URB2: variants seen among roughly 807,000 people sequenced by gnomAD.
URB2 encodes URB2 ribosome biogenesis homolog, also known as unhealthy ribosome biogenesis protein 2 homolog.
A neutral mutation model predicts 120.9 loss-of-function variants in URB2; 86 were observed. That is an observed-to-expected ratio of 0.71 (90% CI 0.60 to 0.85). The LOEUF is 0.85. Ranked by LOEUF, URB2 falls within the 40% of genes least tolerant of loss-of-function variation. The probability of loss-of-function intolerance (pLI) is 0.00; values close to 1 mark genes in which losing one functional copy is unlikely to be tolerated. For missense variants in URB2, 1,765 were observed against 1,836.5 expected, an observed-to-expected ratio of 0.96 and a Z score of 0.71; for synonymous variants, 755 against 758.4, an observed-to-expected ratio of 1.00 and a Z score of 0.07.
At chr1:229,646,814 C>G (rs550788698) in intron 6 of URB2, among the ~76,000 whole-genome samples, 3 of 152,314 alleles carry the variant, frequency 2.0e-5, no homozygotes, top group African/African-American at 7.2e-5. Context: ...GGAGCAGTAT[C>G]TATTTTACCA....
chr1:229,638,202 T>C lies in URB2; in HGVS notation c.3589T>C (p.Ser1197Pro), dbSNP rs765548256. ...LAPELHPKKD[S>P]VFTSMFHSVR... is the part of the protein sequence containing the mutation. ...CCCAGAACTGCATCCCAAAAAGGAC[T>C]CCGTGTTTACCTCCATGTTTCATTC... is the stretch of plus-strand genomic sequence containing the variant. The change falls in exon 4 of 10, where the codon TCC becomes CCC. Residue 1197 changes from serine to proline, a missense_variant. By Grantham distance (74) the Ser-to-Pro change is moderately conservative. Coordinates refer to ENST00000258243, the MANE Select transcript of URB2 (RefSeq NM_014777.4). 1 of 1,613,010 alleles carries C rather than the reference T, an allele frequency of 6.2e-7. No homozygotes were observed. The highest frequency in any genetic ancestry group is 8.5e-7 in the Non-Finnish European group (1 of 1,179,520).
intron 4 of URB2, among the ~76,000 whole-genome samples, chr1:229,643,285 C>T (rs1351066291): frequency 3.9e-5 from 6 of 152,260 alleles, no homozygotes; most frequent in African/African-American, 9.6e-5. Flanking sequence ...AGGTTTACCT[C>T]CTAAGCATGG....
chr1:229,636,049 G>A lies in URB2; in HGVS notation c.1436G>A (p.Arg479His), dbSNP rs752766281. The A allele has an allele frequency of 1.1e-5, 17 of 1,614,034 alleles. No homozygotes were observed. The East Asian group carries it at 1.8e-4, about 17-fold the overall frequency. ...LFEEVLGVIC[R>H]PAAEALRQPV... ...GAAGAGGTTTTGGGGGTGATCTGTC[G>A]TCCAGCTGCTGAGGCACTGAGGCAG... Residue 479 changes from arginine to histidine, a missense_variant, in exon 4 of 10, where the codon CGT becomes CAT. Arg to His is a conservative substitution (Grantham distance 29). Transcript: ENST00000258243.
chr1:229,640,964 T>C (rs1244445578), intron 4 of URB2, among the ~76,000 whole-genome samples: 2 of 151,838 alleles, frequency 1.3e-5, no homozygotes, highest in African/African-American at 4.8e-5. Flanking sequence ...AAGAGAATAT[T>C]GTGTCCTCCT....
At chr1:229,632,238 T>C (rs1665686338) in intron 2 of URB2, 31 bp from the exon 3 acceptor site, 2 of 1,490,192 alleles carry the variant, frequency 1.3e-6, no homozygotes, top group South Asian at 3.0e-5. Flanking sequence ...CAAATAAATT[T>C]ATTTTCAGTG....
chr1:229,636,502 T>C lies in URB2; in HGVS notation c.1889T>C (p.Met630Thr). The change falls in exon 4 of 10, where the codon ATG becomes ACG. Residue 630 changes from methionine (M) to threonine (T), a missense_variant. Met to Thr is a moderately conservative substitution (Grantham distance 81, BLOSUM62 -1). Transcript: ENST00000258243. ...TTGAACTGTAGCCAGTATCACTCTA[T>C]GTCTGGGCCCCTTATAGGTGTTGCT... ...FSLNCSQYHS[M>T]SGPLIGVALE... 6.2e-7 allele frequency: 1 copy of C among 1,614,228 alleles called. No individual in the cohort carries two copies. Among genetic ancestry groups the C allele is most frequent in the South Asian group, 1.1e-5 (1 of 91,074 alleles).
chr1:229,649,784 C>G (rs1666225792), intron 7 of URB2, among the ~76,000 whole-genome samples: 1 of 152,208 alleles, frequency 6.6e-6, no homozygotes, highest in African/African-American at 2.4e-5. Flanking sequence ...AAGCACTTTA[C>G]ATGGCTTAGC....
chr1:229,645,287 A>G (rs989675344), intron 5 of URB2, among the ~76,000 whole-genome samples: 1 of 78,190 alleles, frequency 1.3e-5, no homozygotes, highest in African/African-American at 6.6e-5. Flanking sequence ...CTCGGTCTCG[A>G]AAAAAAAAAA....
At chr1:229,654,168 C>T in intron 8 of URB2, 81 bp from the exon 9 acceptor site, 1 of 1,562,298 alleles carries the variant, frequency 6.4e-7, no homozygotes, top group Non-Finnish European at 8.7e-7. Context: ...TAATTTTCAC[C>T]CATATTAAAA....
intron 9 of URB2, among the ~76,000 whole-genome samples, chr1:229,657,094 G>A (rs1324442098): frequency 1.3e-5 from 2 of 152,162 alleles, no homozygotes; most frequent in Non-Finnish European, 2.9e-5. Flanking sequence ...AAAGTGTTAA[G>A]TTGAACCGTC....
chr1:229,635,951 A>G lies in URB2; in HGVS notation c.1338A>G (p.Lys446=), dbSNP rs143383905. Reference sequence around the variant, plus strand: ...CCGAGGTAACAGAGTTTCGAACCAAAAAAGCCCAGGAGGCGCTTATTCGTA... The same window carrying G: ...CCGAGGTAACAGAGTTTCGAACCAAGAAAGCCCAGGAGGCGCTTATTCGTA... ...IDAEVTEFRT[K]KAQEALIRTV... Residue 446 remains lysine (K), a synonymous_variant, in exon 4 of 10, where the codon AAA becomes AAG. Transcript: ENST00000258243. 1.9e-4 allele frequency: 301 copies of G among 1,614,132 alleles called. No homozygotes were observed. Among genetic ancestry groups the G allele is most frequent in the Non-Finnish European group, 2.4e-4 (282 of 1,180,056 alleles).
intron 3 of URB2, 53 bp from the exon 4 acceptor site, chr1:229,634,864 G>C: frequency 7.1e-7 from 1 of 1,415,874 alleles, no homozygotes. Flanking sequence ...CTTTTCTTGT[G>C]TATGTATGGG....
chr1:229,659,220 A>G lies in URB2; in HGVS notation c.4498A>G (p.Ile1500Val), dbSNP rs1230013584. The change falls in exon 10 of 10, where the codon ATC becomes GTC. Residue 1500 changes from isoleucine (I) to valine (V), a missense_variant. Transcript: ENST00000258243. ...RASLQPGMRD[I>V]FKELYNDYLK... is the part of the protein sequence containing the mutation. ...CTCGCTGCAGCCGGGAATGAGAGAC[A>G]TCTTTAAGGAGCTCTATAATGACTA... The G allele has an allele frequency of 6.2e-7, 1 of 1,614,032 alleles. No individual in the cohort carries two copies.
In URB2 at chr1:229,636,501, ATGTC is replaced by A. The variant is rs748373690; in HGVS notation, c.1891_1894del (p.Ser631GlyfsTer4). On this transcript the variant is annotated frameshift_variant, in exon 4 of 10. Transcript: ENST00000258243. LOFTEE classifies it high-confidence loss of function. ...TTTGAACTGTAGCCAGTATCACTCT[ATGTC>A]TGGGCCCCTTATAGGTGTTGCTCTG... is the stretch of plus-strand genomic sequence containing the variant. 1.9e-6 allele frequency: 3 copies of A among 1,614,022 alleles called. No homozygotes were observed. Among genetic ancestry groups the A allele is most frequent in the Non-Finnish European group, 2.5e-6 (3 of 1,180,020 alleles).
chr1:229,645,733 C>T (rs1252975708), intron 5 of URB2, 126 bp from the exon 6 acceptor site: 1 of 797,656 alleles, frequency 1.3e-6, no homozygotes, highest in Non-Finnish European at 2.2e-6. Context: ...TGTCCACCTC[C>T]CCTGACACCA....
intron 2 of URB2, among the ~76,000 whole-genome samples, chr1:229,628,118 T>TGTATATATACATATATAATATATATATA (rs1665562045): frequency 7.7e-6 from 1 of 130,174 alleles, no homozygotes; most frequent in Non-Finnish European, 1.6e-5. Flanking sequence ...TGTATATATA[T>TGTATATATACATATATAATATATATATA]GTATATATAC....
chr1:229,652,019 TA>T (rs1666287394), intron 8 of URB2, among the ~76,000 whole-genome samples: 1 of 151,994 alleles, frequency 6.6e-6, no homozygotes, highest in Admixed American at 6.6e-5. Context: ...CTGTCTCTAC[TA>T]AAAATACAAA....
Position 229,643,518 on chromosome 1 carries a change from T to G in URB2, c.3635-15T>G. 1 of 1,613,960 alleles carries G rather than the reference T, an allele frequency of 6.2e-7. No individual in the cohort carries two copies. Among genetic ancestry groups the G allele is most frequent in the Non-Finnish European group, 8.5e-7 (1 of 1,179,976 alleles). On this transcript the variant is annotated splice_polypyrimidine_tract_variant and intron_variant, in intron 4 of 9. Coordinates refer to ENST00000258243, the MANE Select transcript of URB2 (RefSeq NM_014777.4). Reference sequence around the variant, plus strand: ...CCTGTCACATCTTAACAATTTTGGTTTCTTTCCCACACAGATCCTGAAATT... The same window carrying G: ...CCTGTCACATCTTAACAATTTTGGTGTCTTTCCCACACAGATCCTGAAATT...
In URB2 at chr1:229,636,282, G is replaced by A; in HGVS notation, c.1669G>A (p.Asp557Asn). ...CATCATGTTCAACATGAGGAGCCTG[G>A]ACAGCAGCACGCCTCTGCCCATTGT... ...HCIMFNMRSLDSSTPLPIVRR... is the reference protein window; with the variant it reads ...HCIMFNMRSLNSSTPLPIVRR... Residue 557 changes from aspartate (D) to asparagine (N), a missense_variant, in exon 4 of 10, where the codon GAC becomes AAC. By Grantham distance (23) the Asp-to-Asn change is conservative (BLOSUM62 1). Coordinates refer to ENST00000258243, the MANE Select transcript of URB2 (RefSeq NM_014777.4). 1 of 1,614,138 alleles carries A rather than the reference G, an allele frequency of 6.2e-7. No homozygotes were observed. The highest frequency in any genetic ancestry group is 8.5e-7 in the Non-Finnish European group (1 of 1,179,980).
Sources: allele counts gnomAD v4.1 joint callset (sites outside exome capture counted in the v4.1 genomes callset), GRCh38; gene constraint gnomAD v4.1.1; transcripts MANE v1.5; gene names NCBI Gene and HGNC (gene_info 2026-07-23, HGNC 2026-07-21).